Variants in CAMK1D observed in about 807,000 individuals in gnomAD.
CAMK1D encodes calcium/calmodulin dependent protein kinase ID.
A neutral mutation model predicts 47.7 loss-of-function variants in CAMK1D; 9 were observed. That is an observed-to-expected ratio of 0.19 (90% CI 0.11 to 0.33). The LOEUF (loss-of-function observed/expected upper bound fraction) is 0.33, where lower values mean the gene tolerates loss of function less well. Ranked by LOEUF, CAMK1D falls within the 10% of genes least tolerant of loss-of-function variation. The pLI is 1.00. For synonymous variants in CAMK1D, 184 were observed against 184.9 expected, an observed-to-expected ratio of 0.99 and a Z score of 0.04; for missense variants, 291 against 488.7, an observed-to-expected ratio of 0.60 and a Z score of 3.81.
At chr10:12,577,989 C>G (rs970891441) in intron 2 of CAMK1D, among the ~76,000 whole-genome samples, 1 of 152,356 alleles carries the variant, frequency 6.6e-6, no homozygotes, top group African/African-American at 2.4e-5. Context: ...ATTTATTAGG[C>G]AAGCACAGCT....
intron 3 of CAMK1D, among the ~76,000 whole-genome samples, chr10:12,722,306 C>T (rs1834421226): frequency 6.6e-6 from 1 of 151,520 alleles, no homozygotes; most frequent in Non-Finnish European, 1.5e-5. Context: ...ATTAGCCGGG[C>T]TTGGTGGTGG....
intron 2 of CAMK1D, among the ~76,000 whole-genome samples, chr10:12,610,294 G>C (rs1838581623): frequency 6.6e-6 from 1 of 152,130 alleles, no homozygotes; most frequent in African/African-American, 2.4e-5. Context: ...GATGTTTCCA[G>C]TTTGTAAGCT....
At chr10:12,657,712 A>G (rs375108093) in intron 2 of CAMK1D, among the ~76,000 whole-genome samples, 18 of 152,330 alleles carry the variant, frequency 1.2e-4, no homozygotes, top group African/African-American at 4.3e-4. Flanking sequence ...CTACTCTAGT[A>G]CTTTCTGAAG....
At chr10:12,598,291 G>A (rs1490033187) in intron 2 of CAMK1D, among the ~76,000 whole-genome samples, 2 of 152,328 alleles carry the variant, frequency 1.3e-5, no homozygotes, top group East Asian at 1.9e-4. Context: ...TGCTCAGAGC[G>A]TGCGATTAGG....
At chr10:12,764,577 C>T (rs905701357) in intron 4 of CAMK1D, among the ~76,000 whole-genome samples, 1 of 151,802 alleles carries the variant, frequency 6.6e-6, no homozygotes, top group African/African-American at 2.4e-5. Context: ...ATCACTTACT[C>T]TCCTCTCCTT....
intron 1 of CAMK1D, among the ~76,000 whole-genome samples, chr10:12,395,662 C>T (rs1838917496): frequency 6.6e-6 from 1 of 152,002 alleles, no homozygotes; most frequent in East Asian, 1.9e-4. Context: ...CGCCTGTAAT[C>T]CCAGCATTCT....
At chr10:12,568,833 G>A (rs1443197374) in intron 2 of CAMK1D, among the ~76,000 whole-genome samples, 1 of 152,132 alleles carries the variant, frequency 6.6e-6, no homozygotes, top group East Asian at 1.9e-4. Flanking sequence ...ATGCAGATGT[G>A]CGTGCTTTGC....
At chr10:12,652,355 G>C (rs1839997608) in intron 2 of CAMK1D, among the ~76,000 whole-genome samples, 2 of 150,932 alleles carry the variant, frequency 1.3e-5, no homozygotes, top group South Asian at 4.2e-4. Context: ...GCAGAGATGG[G>C]CGGATCACAA....
At chr10:12,444,077 G>T in intron 1 of CAMK1D, among the ~76,000 whole-genome samples, 1 of 152,318 alleles carries the variant, frequency 6.6e-6, no homozygotes, top group East Asian at 1.9e-4. Flanking sequence ...GAGTGTAGCA[G>T]TGAGGACAAC....
At chr10:12,784,198 AT>A (rs71386119) in intron 5 of CAMK1D, among the ~76,000 whole-genome samples, 2,625 of 135,986 alleles carry the variant, frequency 0.019, 77 homozygotes, top group African/African-American at 0.066. Context: ...GAGAAAAGGT[AT>A]TTTTTTTTTT....
intron 1 of CAMK1D, among the ~76,000 whole-genome samples, chr10:12,508,260 G>A (rs949590569): frequency 6.6e-5 from 10 of 152,238 alleles, no homozygotes; most frequent in South Asian, 2.1e-4. Context: ...CCAAATTTCC[G>A]TTGACGGATG....
intron 2 of CAMK1D, among the ~76,000 whole-genome samples, chr10:12,636,576 C>T (rs1564459601): frequency 6.6e-6 from 1 of 152,240 alleles, no homozygotes; most frequent in South Asian, 2.1e-4. Context: ...GTTTCTCCCA[C>T]CTCAGCCTCC....
intron 1 of CAMK1D, among the ~76,000 whole-genome samples, chr10:12,376,367 G>T (rs915545514): frequency 6.6e-6 from 1 of 152,004 alleles, no homozygotes; most frequent in African/African-American, 2.4e-5. Flanking sequence ...AGAGGGCGGG[G>T]ATTTGAACCT....
rs186923228 is a variant in CAMK1D, at chr10:12,694,431, A to G, written c.299+27621A>G. Reference sequence around the variant, plus strand: ...AAAATATAAAATATATATGTTATATATCATATATAAAATATGAAATATATA... The same window carrying G: ...AAAATATAAAATATATATGTTATATGTCATATATAAAATATGAAATATATA... On this transcript the variant is annotated intron_variant, in intron 3 of 10. Coordinates refer to ENST00000619168, the MANE Select transcript of CAMK1D (RefSeq NM_153498.4). Among the ~76,000 whole-genome samples the G allele has an allele frequency of 5.1e-3, 396 of 78,292 alleles. 6 individuals carry two copies. Among genetic ancestry groups the G allele is most frequent in the Non-Finnish European group, 6.5e-3 (276 of 42,666 alleles). 51.4% of individuals were successfully genotyped at this position (78,292 alleles called of 152,430 possible).
At chr10:12,485,057 G>A (rs1013450429) in intron 1 of CAMK1D, among the ~76,000 whole-genome samples, 2 of 152,206 alleles carry the variant, frequency 1.3e-5, no homozygotes, top group African/African-American at 4.8e-5. Context: ...GGAGGCTTTC[G>A]GGAAGGAAAG....
In CAMK1D at chr10:12,632,392, C is replaced by T. The variant is rs537044060; in HGVS notation, c.225-34344C>T. On this transcript the variant is annotated intron_variant, in intron 2 of 10. Transcript: ENST00000619168. ...CCAGTTGGAGAACAGCAAGAGGGCC[C>T]GTGGCTGGAGCAGAGGGAGGGAGTT... Among the ~76,000 whole-genome samples the T allele has an allele frequency of 2.0e-5, 3 of 152,170 alleles. No homozygotes were observed. In the South Asian group the frequency reaches 6.2e-4, roughly 32 times the overall value.
At chr10:12,600,189 AAG>A (rs746906821) in intron 2 of CAMK1D, among the ~76,000 whole-genome samples, 3 of 152,166 alleles carry the variant, frequency 2.0e-5, no homozygotes, top group Admixed American at 6.5e-5. Context: ...AGTTAGAAGA[AAG>A]AAAAAAACAG....
intron 2 of CAMK1D, among the ~76,000 whole-genome samples, chr10:12,607,134 C>T (rs1045975609): frequency 6.6e-6 from 1 of 152,082 alleles, no homozygotes; most frequent in Admixed American, 6.5e-5. Context: ...CCAGAAGTAA[C>T]AGATAATTTA....
chr10:12,449,376 G>T (rs1027256297), intron 1 of CAMK1D, among the ~76,000 whole-genome samples: 1 of 151,792 alleles, frequency 6.6e-6, no homozygotes, highest in Non-Finnish European at 1.5e-5. Context: ...CAGGAACCAC[G>T]CTTGCTGTTA....
Sources: allele counts gnomAD v4.1 joint callset (sites outside exome capture counted in the v4.1 genomes callset), GRCh38; gene constraint gnomAD v4.1.1; transcripts MANE v1.5; gene names NCBI Gene and HGNC (gene_info 2026-07-23, HGNC 2026-07-21).